DYNC2LI1: variants seen among roughly 807,000 people sequenced by gnomAD.
DYNC2LI1 encodes cytoplasmic dynein 2 light intermediate chain 1.
In DYNC2LI1, 45 loss-of-function variants were observed where a neutral mutation model predicts 51.9. The observed-to-expected ratio is 0.87, with a 90% CI of 0.68 to 1.11. The LOEUF (loss-of-function observed/expected upper bound fraction) is 1.11, where lower values mean the gene tolerates loss of function less well. Among genes scored for constraint, DYNC2LI1 ranks in the 50% most tolerant of loss-of-function variants. The pLI, the probability that DYNC2LI1 is intolerant of heterozygous loss-of-function variation, is 0.00. For synonymous variants in DYNC2LI1, 130 were observed against 137.8 expected, an observed-to-expected ratio of 0.94 and a Z score of 0.40; for missense variants, 490 against 417.4, an observed-to-expected ratio of 1.17 and a Z score of -1.51.
At chr2:43,810,870 G>A (rs190399003), downstream of DYNC2LI1, among the ~76,000 whole-genome samples, 445 of 152,288 alleles carry the variant, frequency 2.9e-3, 6 homozygotes, top group Non-Finnish European at 7.1e-4. Flanking sequence ...GGAAGAAACA[G>A]CCTATTCCAC....
intron 12 of DYNC2LI1, among the ~76,000 whole-genome samples, chr2:43,805,974 C>T (rs898590935): frequency 7.2e-5 from 11 of 151,938 alleles, no homozygotes; most frequent in South Asian, 4.2e-4. Context: ...CTCCGCCTCC[C>T]GGGTTCAAGC....
intron 2 of DYNC2LI1, chr2:43,781,521 G>A (rs1405984699): frequency 1.3e-5 from 2 of 151,574 alleles, no homozygotes; most frequent in African/African-American, 4.9e-5. Flanking sequence ...GGGTAATGTA[G>A]CCCTTATTAA....
intron 5 of DYNC2LI1, among the ~76,000 whole-genome samples, chr2:43,790,452 G>A (rs1214054314): frequency 6.6e-6 from 1 of 152,154 alleles, no homozygotes; most frequent in Non-Finnish European, 1.5e-5. Flanking sequence ...TTACATGTTG[G>A]TCATTAAGCT....
intron 2 of DYNC2LI1, among the ~76,000 whole-genome samples, chr2:43,780,751 C>T (rs760411821): frequency 6.6e-6 from 1 of 151,976 alleles, no homozygotes; most frequent in East Asian, 1.9e-4. Context: ...GGGATGTTTA[C>T]AGAGTTAGGA....
intron 8 of DYNC2LI1, 123 bp downstream of exon 8, chr2:43,796,918 C>A: frequency 2.8e-6 from 2 of 724,296 alleles, no homozygotes; most frequent in Non-Finnish European, 4.7e-6. Flanking sequence ...CGTTGCTTTC[C>A]CACTGCTGAA....
chr2:43,814,520 C>A (rs1247195901), downstream of DYNC2LI1: 3 of 1,609,512 alleles, frequency 1.9e-6, no homozygotes, highest in Non-Finnish European at 2.6e-6. Context: ...CTACAAGAAT[C>A]TCACTGCAAT....
chr2:43,828,127 A>C, the DYNC2LI1 span: 2 of 1,613,886 alleles, frequency 1.2e-6, no homozygotes, highest in Non-Finnish European at 1.7e-6. Flanking sequence ...TGCAGGAGAC[A>C]CAAATTACAG....
chr2:43,813,113 T>C (rs1376830691), downstream of DYNC2LI1: 2 of 1,141,276 alleles, frequency 1.8e-6, no homozygotes, highest in Non-Finnish European at 2.7e-6. Flanking sequence ...GCCATGGCTT[T>C]CACTACCTGC....
intron 6 of DYNC2LI1, 168 bp downstream of exon 6, chr2:43,794,811 C>T: frequency 6.8e-7 from 1 of 1,470,634 alleles, no homozygotes; most frequent in Non-Finnish European, 9.0e-7. Flanking sequence ...TCAGTAAGAG[C>T]AAAACAAGGA....
the DYNC2LI1 span, chr2:43,824,303 A>G: frequency 2.5e-6 from 4 of 1,614,178 alleles, no homozygotes; most frequent in Non-Finnish European, 3.4e-6. Flanking sequence ...CAGGTGTTTC[A>G]TTCTTTCAAT....
At chr2:43,787,643 A>C (rs1238083239) in intron 4 of DYNC2LI1, among the ~76,000 whole-genome samples, 2 of 152,194 alleles carry the variant, frequency 1.3e-5, no homozygotes, top group African/African-American at 2.4e-5. Context: ...TGAAGTTGAT[A>C]GTACTAGTTG....
At chr2:43,820,852 C>A in the DYNC2LI1 span, among the ~76,000 whole-genome samples, 1 of 152,066 alleles carries the variant, frequency 6.6e-6, no homozygotes, top group Non-Finnish European at 1.5e-5. Flanking sequence ...TGGGGTTTTG[C>A]CATATTGGCC....
At chr2:43,826,428 C>G in the DYNC2LI1 span, 1 of 1,614,066 alleles carries the variant, frequency 6.2e-7, no homozygotes, top group South Asian at 1.1e-5. Flanking sequence ...AACCACAATT[C>G]GGTTCCTGCG....
chr2:43,826,166 CTTT>C, the DYNC2LI1 span, among the ~76,000 whole-genome samples: 5 of 141,958 alleles, frequency 3.5e-5, no homozygotes, highest in Non-Finnish European at 3.1e-5. Flanking sequence ...TTCTTTCTTT[CTTT>C]TTTTTTTTTT....
intron 2 of DYNC2LI1, among the ~76,000 whole-genome samples, chr2:43,777,487 G>A (rs1211801881): frequency 6.6e-6 from 1 of 152,158 alleles, no homozygotes; most frequent in Non-Finnish European, 1.5e-5. Context: ...ACTTTGCCTG[G>A]CCCACAAAGT....
chr2:43,785,017 A>C (rs1673460684), intron 3 of DYNC2LI1, among the ~76,000 whole-genome samples: 1 of 152,108 alleles, frequency 6.6e-6, no homozygotes, highest in African/African-American at 2.4e-5. Flanking sequence ...TAGATATGGG[A>C]CCGGGTGCAG....
intron 2 of DYNC2LI1, among the ~76,000 whole-genome samples, chr2:43,782,124 T>G (rs1207298106): frequency 2.0e-5 from 3 of 152,160 alleles, no homozygotes; most frequent in Non-Finnish European, 4.4e-5. Context: ...AGTAAGTATA[T>G]TTCTACATTG....
At chr2:43,798,802 T>A (rs556671233) in intron 8 of DYNC2LI1, among the ~76,000 whole-genome samples, 2 of 152,318 alleles carry the variant, frequency 1.3e-5, no homozygotes, top group East Asian at 3.9e-4. Flanking sequence ...TCAGGAAGAA[T>A]GTAGCCAAAG....
At chr2:43,826,405 G>A in the DYNC2LI1 span, 15 of 1,613,972 alleles carry the variant, frequency 9.3e-6, no homozygotes, top group East Asian at 2.7e-4. Flanking sequence ...GAACGGGGCT[G>A]GTGAATGGTG....
Sources: gnomAD v4.1 joint callset for allele counts (sites outside exome capture counted in the v4.1 genomes callset) on GRCh38, gnomAD v4.1.1 for gene constraint, MANE v1.5 for transcripts, NCBI Gene and HGNC (gene_info 2026-07-23, HGNC 2026-07-21) for gene names.